The following PLXNA4 variants were observed in gnomAD, a reference collection of about 807,000 sequenced individuals.
PLXNA4 encodes plexin-A4.
PLXNA4 carries 44 observed loss-of-function variants against 191.8 expected under a neutral mutation model. The observed-to-expected ratio is 0.23, with a 90% CI of 0.18 to 0.29. The LOEUF (loss-of-function observed/expected upper bound fraction) is 0.29. PLXNA4 is among the 10% of genes least tolerant of loss of function. The pLI, the probability that PLXNA4 is intolerant of heterozygous loss-of-function variation, is 1.00. For synonymous variants in PLXNA4, 1,082 were observed against 1,009.5 expected, an observed-to-expected ratio of 1.07 and a Z score of -1.36; for missense variants, 1,800 against 2,488.8, an observed-to-expected ratio of 0.72 and a Z score of 5.89.
chr7:132,353,356 T>C (rs1228862593), intron 3 of PLXNA4, among the ~76,000 whole-genome samples: 1 of 152,168 alleles, frequency 6.6e-6, no homozygotes, highest in Non-Finnish European at 1.5e-5. Context: ...GACTAATTGT[T>C]ATGGTATAAA....
chr7:132,189,004 GAGAGAGAGAGA>G (rs1562908930), intron 14 of PLXNA4, among the ~76,000 whole-genome samples: 13 of 72,230 alleles, frequency 1.8e-4, no homozygotes, highest in East Asian at 4.6e-4. Flanking sequence ...GAGAGAGAGA[GAGAGAGAGAGA>G]GAGAGAGAGA....
chr7:132,319,849 C>T (rs1466454888), intron 3 of PLXNA4, among the ~76,000 whole-genome samples: 3 of 152,232 alleles, frequency 2.0e-5, no homozygotes, highest in Non-Finnish European at 4.4e-5. Flanking sequence ...CATGCTTCCC[C>T]ACCTCTCCTA....
At position 132,181,392 on chromosome 7, in the gene PLXNA4, T is replaced by C; in HGVS notation, c.3481A>G (p.Ile1161Val). 1 of 1,613,838 alleles carries C rather than the reference T, an allele frequency of 6.2e-7. No individual in the cohort carries two copies. Among genetic ancestry groups the C allele is most frequent in the Non-Finnish European group, 8.5e-7 (1 of 1,179,886 alleles). ...GILELKPGTP[I>V]ILKGKNLIPP... is the part of the protein sequence containing the mutation. ...CACCCTCACTCCACCTTTAGGATGA[T>C]GGGCGTGCCAGGCTTGAGCTCCAGG... Residue 1161 changes from isoleucine to valine, a missense_variant, in exon 18 of 32, where the codon ATC (isoleucine) becomes GTC (valine). Ile to Val is a conservative substitution (Grantham distance 29). Around this residue, in one of 6 missense-constraint regions of PLXNA4, gnomAD observed 1,397 missense variants for 1,880.4 expected, o/e 0.74. Coordinates refer to ENST00000321063, the MANE Select transcript of PLXNA4 (RefSeq NM_020911.2).
chr7:132,504,090 C>A (rs1481213993), intron 2 of PLXNA4, among the ~76,000 whole-genome samples: 1 of 152,226 alleles, frequency 6.6e-6, no homozygotes, highest in African/African-American at 2.4e-5. Context: ...CATGAGGAGG[C>A]CACTCCTGGC....
At chr7:132,192,139 G>A (rs1003872268) in intron 14 of PLXNA4, among the ~76,000 whole-genome samples, 2 of 152,148 alleles carry the variant, frequency 1.3e-5, no homozygotes, top group Non-Finnish European at 1.5e-5. Flanking sequence ...GGTGTGGCAC[G>A]ACACTCACGT....
chr7:132,598,194 G>A lies in PLXNA4; in HGVS notation c.-87+47734C>T, dbSNP rs773481882. 3.1e-4 allele frequency among the ~76,000 whole-genome samples: 47 copies of A among 152,046 alleles called. 1 individual carries two copies. Among genetic ancestry groups the A allele is most frequent in the Middle Eastern group, 3.4e-3 (1 of 294 alleles). ...TGTGATCTCAACTCACTGCAACCTC[G>A]GCTTCCCGGATTCAAGAGATTGTTC... is the stretch of plus-strand genomic sequence containing the variant. On this transcript the variant is annotated intron_variant, in intron 2 of 4. Coordinates refer to the PLXNA4 transcript ENST00000378539.
chr7:132,417,101 T>A (rs1007916102), intron 3 of PLXNA4, among the ~76,000 whole-genome samples: 4 of 152,204 alleles, frequency 2.6e-5, no homozygotes, highest in Non-Finnish European at 5.9e-5. Context: ...GCTAAGTGTA[T>A]GCCCACTCTA....
At chr7:132,444,237 T>A (rs921409271) in intron 3 of PLXNA4, among the ~76,000 whole-genome samples, 4 of 152,236 alleles carry the variant, frequency 2.6e-5, no homozygotes, top group Non-Finnish European at 5.9e-5. Flanking sequence ...GCTCAGGTGT[T>A]GTTGTCAGAA....
At chr7:132,436,784 G>A (rs149367146) in intron 3 of PLXNA4, among the ~76,000 whole-genome samples, 7 of 152,272 alleles carry the variant, frequency 4.6e-5, no homozygotes, top group South Asian at 4.1e-4. Context: ...GATGTTTGCC[G>A]CAAGCTAGGA....
intron 3 of PLXNA4, among the ~76,000 whole-genome samples, chr7:132,399,033 G>A (rs1000922004): frequency 2.0e-5 from 3 of 152,158 alleles, no homozygotes; most frequent in African/African-American, 7.2e-5. Flanking sequence ...GCTGGATAAG[G>A]GTTTTAGAAT....
At chr7:132,233,143 A>G (rs1798579872) in intron 5 of PLXNA4, among the ~76,000 whole-genome samples, 1 of 152,184 alleles carries the variant, frequency 6.6e-6, no homozygotes, top group Admixed American at 6.5e-5. Flanking sequence ...CCTAATAGAA[A>G]AGTTAAGATA....
intron 2 of PLXNA4, among the ~76,000 whole-genome samples, chr7:132,616,141 TCTAC>T (rs1429064244): frequency 6.6e-6 from 1 of 152,110 alleles, no homozygotes; most frequent in East Asian, 1.9e-4. Flanking sequence ...GGCTGCATTC[TCTAC>T]CTGACACACA....
At chr7:132,530,265 A>G (rs937829949) in intron 1 of PLXNA4, among the ~76,000 whole-genome samples, 3 of 152,220 alleles carry the variant, frequency 2.0e-5, no homozygotes, top group Non-Finnish European at 4.4e-5. Flanking sequence ...CATGCAGTTT[A>G]TGGAATATCA....
At chr7:132,247,269 T>C (rs1299068551) in intron 4 of PLXNA4, among the ~76,000 whole-genome samples, 2 of 152,214 alleles carry the variant, frequency 1.3e-5, no homozygotes, top group Non-Finnish European at 2.9e-5. Flanking sequence ...ATGGTCAAAA[T>C]GTGAGTTATT....
intron 12 of PLXNA4, 123 bp downstream of exon 12, chr7:132,202,523 G>A: frequency 1.9e-6 from 2 of 1,066,840 alleles, no homozygotes; most frequent in Non-Finnish European, 2.5e-6. Context: ...GCCAGGCAGA[G>A]CAACCAAGTC....
At chr7:132,557,421 A>G (rs897710545) in intron 1 of PLXNA4, among the ~76,000 whole-genome samples, 3 of 152,084 alleles carry the variant, frequency 2.0e-5, no homozygotes, top group African/African-American at 7.2e-5. Flanking sequence ...ACAACTTAAG[A>G]TTTTCTTCAC....
At chr7:132,418,550 G>A (rs981753633) in intron 3 of PLXNA4, among the ~76,000 whole-genome samples, 1 of 152,194 alleles carries the variant, frequency 6.6e-6, no homozygotes, top group African/African-American at 2.4e-5. Flanking sequence ...TTGAGAACAT[G>A]AAGCTTGGCT....
intron 5 of PLXNA4, among the ~76,000 whole-genome samples, chr7:132,232,250 T>C (rs1455176493): frequency 6.6e-6 from 1 of 152,150 alleles, no homozygotes; most frequent in South Asian, 2.1e-4. Context: ...TCCTAAAGCA[T>C]GTCCCTCAGC....
chr7:132,225,113 C>T (rs1352556315), intron 8 of PLXNA4, among the ~76,000 whole-genome samples: 1 of 152,118 alleles, frequency 6.6e-6, no homozygotes, highest in Non-Finnish European at 1.5e-5. Context: ...ATTGGGCATC[C>T]ACACCTACTT....
Sources: gnomAD v4.1 joint callset for allele counts (sites outside exome capture counted in the v4.1 genomes callset) on GRCh38, gnomAD v4.1.1 for gene constraint, gnomAD v4.1.1 regional missense constraint, MANE v1.5 for transcripts, NCBI Gene and HGNC (gene_info 2026-07-23, HGNC 2026-07-21) for gene names.